Variants in PPP1R1C observed in about 807,000 individuals in gnomAD.
PPP1R1C encodes the protein protein phosphatase 1 regulatory inhibitor subunit 1C, also known as protein phosphatase 1 regulatory subunit 1C.
Under a neutral mutation model 17.4 loss-of-function variants are expected in PPP1R1C, and 15 were observed. The ratio of observed to expected loss-of-function variants is 0.86; its 90% CI spans 0.58 to 1.33. The LOEUF (loss-of-function observed/expected upper bound fraction) is 1.33, where lower values mean the gene tolerates loss of function less well. PPP1R1C is among the 40% of genes most tolerant of loss of function. The probability of loss-of-function intolerance (pLI) is 0.00; values close to 1 mark genes in which losing one functional copy is unlikely to be tolerated. For synonymous variants in PPP1R1C, 35 were observed against 43.1 expected (o/e 0.81, Z 0.73); for missense variants, 143 against 130.0 (o/e 1.10, Z -0.48).
At chr2:182,008,036 C>T (rs1170756252) in intron 2 of PPP1R1C, among the ~76,000 whole-genome samples, 2 of 151,850 alleles carry the variant, frequency 1.3e-5, no homozygotes, top group African/African-American at 2.4e-5. Context: ...CCACTGCACT[C>T]CGGCCTGGGC....
At chr2:181,963,088 T>C (rs1246680428) in intron 1 of PPP1R1C, among the ~76,000 whole-genome samples, 4 of 152,198 alleles carry the variant, frequency 2.6e-5, no homozygotes, top group Admixed American at 1.3e-4. Context: ...TCAGAGCTTA[T>C]ATTCAGTGAC....
intron 2 of PPP1R1C, among the ~76,000 whole-genome samples, chr2:182,011,607 A>G (rs1031580217): frequency 6.6e-6 from 1 of 151,814 alleles, no homozygotes; most frequent in African/African-American, 2.4e-5. Context: ...ATTTGTTTCA[A>G]TTCCATTTTC....
chr2:182,089,100 G>T (rs115339714), intron 4 of PPP1R1C, among the ~76,000 whole-genome samples: 2 of 152,214 alleles, frequency 1.3e-5, no homozygotes, highest in African/African-American at 4.8e-5. Context: ...TTTGTAAACT[G>T]AATCCTGTGA....
intron 4 of PPP1R1C, among the ~76,000 whole-genome samples, chr2:182,114,291 T>C (rs987380253): frequency 1.3e-5 from 2 of 152,194 alleles, no homozygotes; most frequent in Non-Finnish European, 2.9e-5. Context: ...CTGATGCTTA[T>C]TAGCATCTGG....
chr2:181,966,302 T>C (rs73032699), intron 1 of PPP1R1C, among the ~76,000 whole-genome samples: 3,404 of 152,268 alleles, frequency 0.022, 130 homozygotes, highest in African/African-American at 0.078. Flanking sequence ...TTTATTTCTT[T>C]TTCTTATCTG....
intron 2 of PPP1R1C, among the ~76,000 whole-genome samples, chr2:182,015,460 G>C (rs1686235433): frequency 6.6e-6 from 1 of 151,996 alleles, no homozygotes; most frequent in South Asian, 2.1e-4. Flanking sequence ...GTGTGCAAAT[G>C]GACTAATACA....
intron 4 of PPP1R1C, among the ~76,000 whole-genome samples, chr2:182,077,958 C>T (rs1421412906): frequency 6.6e-6 from 1 of 152,140 alleles, no homozygotes; most frequent in Non-Finnish European, 1.5e-5. Flanking sequence ...AGGAGGACGG[C>T]TTGAGATCAG....
intron 1 of PPP1R1C, among the ~76,000 whole-genome samples, chr2:181,964,791 C>T (rs568578082): frequency 5.9e-5 from 9 of 152,080 alleles, no homozygotes; most frequent in Non-Finnish European, 8.8e-5. Context: ...CTACAACATC[C>T]GCCTCCCGGG....
At chr2:182,082,703 A>G (rs1369534001) in intron 4 of PPP1R1C, among the ~76,000 whole-genome samples, 1 of 152,216 alleles carries the variant, frequency 6.6e-6, no homozygotes, top group African/African-American at 2.4e-5. Context: ...TAACAAAAGC[A>G]CTGTTAAACA....
intron 2 of PPP1R1C, among the ~76,000 whole-genome samples, chr2:181,995,876 C>G (rs1039892418): frequency 1.3e-5 from 2 of 151,924 alleles, no homozygotes; most frequent in African/African-American, 4.8e-5. Flanking sequence ...TCCACAATTC[C>G]AGACACAATT....
chr2:182,120,887 G>GT (rs1689718558), downstream of PPP1R1C, among the ~76,000 whole-genome samples: 1 of 151,972 alleles, frequency 6.6e-6, no homozygotes, highest in African/African-American at 2.4e-5. Flanking sequence ...AAGAACATAA[G>GT]TTTTCTTTGG....
intron 4 of PPP1R1C, among the ~76,000 whole-genome samples, chr2:182,102,335 G>T (rs1008874607): frequency 6.6e-6 from 1 of 152,156 alleles, no homozygotes; most frequent in African/African-American, 2.4e-5. Flanking sequence ...GAGATGCCCT[G>T]TTCCCTCATG....
intron 2 of PPP1R1C, among the ~76,000 whole-genome samples, chr2:182,044,406 T>C (rs1290941876): frequency 6.6e-6 from 1 of 152,136 alleles, no homozygotes; most frequent in African/African-American, 2.4e-5. Flanking sequence ...TTTTTCTAAT[T>C]TCTAAAAAAC....
chr2:182,003,362 C>G (rs1166227659), intron 2 of PPP1R1C, among the ~76,000 whole-genome samples: 3 of 152,104 alleles, frequency 2.0e-5, no homozygotes, highest in African/African-American at 4.8e-5. Context: ...GCCAGACTGG[C>G]TAATTGTCTT....
chr2:182,091,784 G>C (rs111440901), intron 4 of PPP1R1C, among the ~76,000 whole-genome samples: 1 of 151,996 alleles, frequency 6.6e-6, no homozygotes, highest in South Asian at 2.1e-4. Context: ...TCACCTATTT[G>C]TTCCAATTAT....
At chr2:181,988,154 G>C (rs1271814977) in intron 2 of PPP1R1C, among the ~76,000 whole-genome samples, 1 of 152,370 alleles carries the variant, frequency 6.6e-6, no homozygotes, top group Non-Finnish European at 1.5e-5. Flanking sequence ...AGCACTGGCT[G>C]TCATATGTTC....
intron 2 of PPP1R1C, among the ~76,000 whole-genome samples, chr2:182,006,522 G>A (rs923148950): frequency 6.6e-5 from 10 of 152,172 alleles, no homozygotes; most frequent in African/African-American, 2.4e-4. Context: ...TCTCAGGCCC[G>A]AAGGATAAGT....
At chr2:182,071,874 G>GTGTT (rs1385870832) in intron 4 of PPP1R1C, among the ~76,000 whole-genome samples, 1 of 152,094 alleles carries the variant, frequency 6.6e-6, no homozygotes, top group Non-Finnish European at 1.5e-5. Flanking sequence ...TAATGTCAGG[G>GTGTT]TGTTGGTTTG....
At chr2:182,041,821 C>A (rs1308339676) in intron 2 of PPP1R1C, among the ~76,000 whole-genome samples, 1 of 152,132 alleles carries the variant, frequency 6.6e-6, no homozygotes, top group Non-Finnish European at 1.5e-5. Context: ...AAAATGTCAT[C>A]ATGTTTGCTT....
Sources: allele counts gnomAD v4.1 joint callset (sites outside exome capture counted in the v4.1 genomes callset), GRCh38; gene constraint gnomAD v4.1.1; transcripts MANE v1.5; gene names NCBI Gene and HGNC (gene_info 2026-07-23, HGNC 2026-07-21).